The following USB1 variants were observed in gnomAD, a reference collection of about 807,000 sequenced individuals.
USB1 encodes U6 snRNA biogenesis phosphodiesterase 1.
A neutral mutation model predicts 29.9 loss-of-function variants in USB1; 21 were observed. That is an observed-to-expected ratio of 0.70 (90% confidence interval 0.50 to 1.01). The LOEUF is 1.01. Ranked by LOEUF, USB1 falls within the 50% of genes least tolerant of loss-of-function variation. The pLI is 0.00. For synonymous variants in USB1, 143 were observed against 134.9 expected (o/e 1.06, Z -0.42); for missense variants, 330 against 347.1 (o/e 0.95, Z 0.39).
Position 58,021,437 on chromosome 16 carries a change from G to A in USB1, c.*1192G>A, listed in dbSNP as rs1963737108. 2 of 152,282 alleles carry A rather than the reference G, an allele frequency of 1.3e-5. No homozygotes were observed. The highest frequency in any genetic ancestry group is 2.9e-5 in the Non-Finnish European group (2 of 68,058). 9.4% of individuals were successfully genotyped at this position (152,282 alleles called of 1,614,324 possible). On this transcript the variant is annotated 3_prime_UTR_variant, in exon 7 of 7. Transcript: ENST00000219281. ...CTGCTGCAGCTGCAGGCATTCTGAG[G>A]GGCAACGTGGAGGAAGGGCCAGGGA...
At chr16:58,001,718 G>T in intron 1 of USB1, 137 bp downstream of exon 1, 1 of 1,067,968 alleles carries the variant, frequency 9.4e-7, no homozygotes, top group Non-Finnish European at 1.4e-6. Context: ...AGGAAGAAAG[G>T]AGGATCCAGA....
intron 2 of USB1, among the ~76,000 whole-genome samples, chr16:58,005,101 T>C (rs1027961586): frequency 3.9e-5 from 6 of 152,140 alleles, no homozygotes; most frequent in Admixed American, 3.9e-4. Context: ...TCAGAGACTT[T>C]TAGTACTTTC....
chr16:58,005,307 G>T (rs969659749), intron 2 of USB1, among the ~76,000 whole-genome samples: 4 of 152,072 alleles, frequency 2.6e-5, no homozygotes, highest in African/African-American at 9.7e-5. Flanking sequence ...CCTGGGGAAA[G>T]GGAGACTCCC....
At chr16:58,008,721 G>A (rs930349562) in intron 2 of USB1, among the ~76,000 whole-genome samples, 5 of 151,472 alleles carry the variant, frequency 3.3e-5, no homozygotes, top group African/African-American at 1.2e-4. Flanking sequence ...CCAAAGTGCT[G>A]GAATTACAGG....
At chr16:58,012,091 G>A in intron 3 of USB1, 2 of 1,375,590 alleles carry the variant, frequency 1.5e-6, no homozygotes, top group Non-Finnish European at 1.9e-6. Context: ...ACAGTTCAGG[G>A]GGCCATAGGC....
In USB1 at chr16:58,020,266, C is replaced by T. The variant is rs1353581337; in HGVS notation, c.*21C>T. On this transcript the variant is annotated 3_prime_UTR_variant, in exon 7 of 7. Transcript: ENST00000219281. Reference sequence around the variant, plus strand: ...AGTGAGCACCAGAGGCCTTCCTCCTCCAGGGCCCTCTGCAGACCAGGCTGA... The same window carrying T: ...AGTGAGCACCAGAGGCCTTCCTCCTTCAGGGCCCTCTGCAGACCAGGCTGA... 1 of 1,609,896 alleles carries T rather than the reference C, an allele frequency of 6.2e-7. No homozygotes were observed. Among genetic ancestry groups the T allele is most frequent in the Non-Finnish European group, 8.5e-7 (1 of 1,176,216 alleles).
rs910750161 is a variant in USB1 at position 58,002,548 on chromosome 16, C to T, written c.168C>T (p.Thr56=). 6 of 1,613,976 alleles carry T rather than the reference C, an allele frequency of 3.7e-6. No homozygotes were observed. Among genetic ancestry groups the T allele is most frequent in the South Asian group, 2.2e-5 (2 of 91,082 alleles). Residue 56 remains threonine, a synonymous_variant, in exon 2 of 7, where the codon ACC becomes ACT. Transcript: ENST00000219281. ...PDSVLNMFPG[T]EEGPEDDSTK... ...GTGTGCTGAACATGTTCCCGGGCAC[C>T]GAGGAGGGGCCTGAAGATGACAGCA...
intron 3 of USB1, chr16:58,011,820 T>G (rs1963503679): frequency 1.0e-6 from 1 of 988,356 alleles, no homozygotes; most frequent in African/African-American, 1.7e-5. Context: ...GCCCCACAGC[T>G]TTTTTCCAAG....
At chr16:58,018,948 C>T (rs775548510) in intron 5 of USB1, 24 bp from the exon 6 acceptor site, 4 of 1,613,250 alleles carry the variant, frequency 2.5e-6, no homozygotes, top group South Asian at 1.1e-5. Flanking sequence ...CGGGTGACTG[C>T]CTGCCTCTCG....
chr16:58,014,505 AG>A (rs1963570702), intron 4 of USB1, among the ~76,000 whole-genome samples, 179 bp downstream of exon 4: 1 of 152,264 alleles, frequency 6.6e-6, no homozygotes, highest in African/African-American at 2.4e-5. Flanking sequence ...GGGAGATCCC[AG>A]GCACAGTAGC....
Position 58,014,295 on chromosome 16 carries a change from G to C in USB1, c.472G>C (p.Val158Leu), listed in dbSNP as rs1342037520. ...FHRFFFTANQVKIYTNQEKTR... is the reference protein window; with the variant it reads ...FHRFFFTANQLKIYTNQEKTR... Reference sequence around the variant, plus strand: ...CAGATTCTTCTTTACTGCCAACCAGGTAAAGATTTACACCAATCAAGAGAA... The same window carrying C: ...CAGATTCTTCTTTACTGCCAACCAGCTAAAGATTTACACCAATCAAGAGAA... The change falls in exon 4 of 7, where the codon GTA becomes CTA. Residue 158 changes from valine to leucine, a missense_variant. Physicochemically the swap from Val to Leu is conservative, Grantham distance 32. Transcript: ENST00000219281. The C allele has an allele frequency of 4.3e-6, 7 of 1,613,752 alleles. No homozygotes were observed. The highest frequency in any genetic ancestry group is 1.7e-4 in the Middle Eastern group (1 of 6,060).
intron 2 of USB1, among the ~76,000 whole-genome samples, chr16:58,006,371 A>C (rs1312620136): frequency 8.6e-5 from 13 of 151,004 alleles, no homozygotes; most frequent in South Asian, 2.1e-4. Flanking sequence ...AAAAAAACAA[A>C]AAAAAAAAAC....
intron 3 of USB1, chr16:58,012,534 C>T (rs1963520019): frequency 6.8e-6 from 9 of 1,325,562 alleles, no homozygotes; most frequent in Middle Eastern, 2.4e-4. Flanking sequence ...ATGACGAAGC[C>T]ACCGCATCTC....
intron 2 of USB1, among the ~76,000 whole-genome samples, chr16:58,002,879 C>T (rs574076641): frequency 1.3e-5 from 2 of 152,284 alleles, no homozygotes; most frequent in South Asian, 4.1e-4. Flanking sequence ...TAATATTCTC[C>T]CTGTTCACGA....
At chr16:58,007,275 A>G (rs1963383122) in intron 2 of USB1, among the ~76,000 whole-genome samples, 1 of 152,188 alleles carries the variant, frequency 6.6e-6, no homozygotes, top group South Asian at 2.1e-4. Flanking sequence ...AAGATTATAG[A>G]TAATTGGTTT....
intron 2 of USB1, among the ~76,000 whole-genome samples, chr16:58,003,882 T>C: frequency 6.6e-6 from 1 of 152,228 alleles, no homozygotes; most frequent in Non-Finnish European, 1.5e-5. Context: ...TACATTTTTT[T>C]CCCAGCCAGT....
intron 4 of USB1, chr16:58,015,383 A>G (rs987484234): frequency 2.0e-5 from 3 of 152,242 alleles, no homozygotes; most frequent in African/African-American, 7.2e-5. Context: ...AGATGAACAT[A>G]AGAAGAAATG....
At chr16:58,019,088 T>C in intron 6 of USB1, 33 bp downstream of exon 6, 1 of 1,607,070 alleles carries the variant, frequency 6.2e-7, no homozygotes, top group Non-Finnish European at 8.5e-7. Context: ...CAGAGGGCGC[T>C]GAACTCCAGA....
rs992156385 is a variant in USB1 at position 58,013,747 on chromosome 16, C to T, written c.450-526C>T. ...CTCACCAAATTCAGCTTCACCATGC[C>T]TCTGTTTCTTTGTCTGTAAAATGGG... On this transcript the variant is annotated intron_variant, in intron 3 of 6. Transcript: ENST00000219281. The surrounding 1 kb of genome is among the most constrained non-coding windows in gnomAD (Gnocchi z 4.3). 3 of 442,084 alleles carry T rather than the reference C, an allele frequency of 6.8e-6. No individual in the cohort carries two copies. The South Asian group carries it at 2.7e-4, about 39-fold the overall frequency. The allele number at this position is 442,084 out of a possible 1,614,324, so 27.4% of individuals were successfully genotyped here.
Sources: allele counts gnomAD v4.1 joint callset (sites outside exome capture counted in the v4.1 genomes callset), GRCh38; gene constraint gnomAD v4.1.1; non-coding constraint Gnocchi (gnomAD v3.1); transcripts MANE v1.5; gene names NCBI Gene and HGNC (gene_info 2026-07-23, HGNC 2026-07-21).